The following ZMAT4 variants were observed in gnomAD, a reference collection of about 807,000 sequenced individuals.
ZMAT4 encodes the protein zinc finger matrin-type protein 4.
A neutral mutation model predicts 28.7 loss-of-function variants in ZMAT4; 17 were observed. That is an observed-to-expected ratio of 0.59 (90% CI 0.41 to 0.89). The LOEUF (loss-of-function observed/expected upper bound fraction) is 0.89. ZMAT4 is among the 40% of genes least tolerant of loss of function. ZMAT4 has a pLI of 0.00. For missense variants in ZMAT4, 240 were observed against 283.8 expected, an observed-to-expected ratio of 0.85 and a Z score of 1.11; for synonymous variants, 117 against 109.2, an observed-to-expected ratio of 1.07 and a Z score of -0.44.
chr8:40,693,692 T>A (rs1809754134), intron 4 of ZMAT4, among the ~76,000 whole-genome samples: 2 of 152,210 alleles, frequency 1.3e-5, no homozygotes, highest in Admixed American at 6.5e-5. Flanking sequence ...CATTGCAGCA[T>A]AAAAGCAGCC....
chr8:40,560,280 A>G (rs1345509329), intron 6 of ZMAT4, among the ~76,000 whole-genome samples: 5 of 152,026 alleles, frequency 3.3e-5, no homozygotes, highest in South Asian at 4.2e-4. Context: ...AATTATGTAA[A>G]TAATAACACC....
intron 5 of ZMAT4, among the ~76,000 whole-genome samples, chr8:40,601,454 A>AAGGAAGGAAGGAAGGAAGGG (rs1554525346): frequency 1.1e-5 from 1 of 88,648 alleles, no homozygotes; most frequent in African/African-American, 4.3e-5. Flanking sequence ...GGAAGGAAGG[A>AAGGAAGGAAGGAAGGAAGGG]AGGGAGGAAG....
chr8:40,759,055 G>A (rs932736302), intron 3 of ZMAT4, among the ~76,000 whole-genome samples: 7 of 151,990 alleles, frequency 4.6e-5, no homozygotes, highest in South Asian at 2.1e-4. Flanking sequence ...AGGCTGAGGT[G>A]GGCAGATCAT....
chr8:40,716,065 C>A (rs1481935559), intron 3 of ZMAT4, among the ~76,000 whole-genome samples: 2 of 152,198 alleles, frequency 1.3e-5, no homozygotes, highest in Non-Finnish European at 2.9e-5. Flanking sequence ...CTTTATCACT[C>A]AGCACAGAGG....
chr8:40,563,651 G>T (rs763660714), intron 6 of ZMAT4, among the ~76,000 whole-genome samples: 1 of 152,106 alleles, frequency 6.6e-6, no homozygotes, highest in Non-Finnish European at 1.5e-5. Flanking sequence ...TTTAAAATTT[G>T]AATTACAATG....
chr8:40,842,521 T>C (rs1382804342), intron 1 of ZMAT4, among the ~76,000 whole-genome samples: 1 of 152,188 alleles, frequency 6.6e-6, no homozygotes, highest in African/African-American at 2.4e-5. Flanking sequence ...TCAAAGCCGA[T>C]TGCAGGCTGC....
chr8:40,842,202 A>G (rs898046672), intron 1 of ZMAT4, among the ~76,000 whole-genome samples: 4 of 152,186 alleles, frequency 2.6e-5, no homozygotes. Flanking sequence ...AAGTGCATCA[A>G]CTGTCCCTCT....
chr8:40,768,571 T>C (rs1813257444), intron 2 of ZMAT4, among the ~76,000 whole-genome samples: 1 of 152,178 alleles, frequency 6.6e-6, no homozygotes, highest in South Asian at 2.1e-4. Flanking sequence ...ATTCAGAATC[T>C]GGGTTCCAGC....
At chr8:40,696,952 T>C (rs1027024446) in intron 4 of ZMAT4, 3 of 257,214 alleles carry the variant, frequency 1.2e-5, no homozygotes, top group African/African-American at 4.4e-5. Context: ...TCACATCTTA[T>C]ATAATACACA....
At chr8:40,829,777 G>T (rs1586130566) in intron 1 of ZMAT4, among the ~76,000 whole-genome samples, 1 of 152,164 alleles carries the variant, frequency 6.6e-6, no homozygotes, top group East Asian at 1.9e-4. Flanking sequence ...TTCTACTAGG[G>T]TTGAAAATTT....
At chr8:40,896,617 A>C (rs1284861109) in intron 1 of ZMAT4, among the ~76,000 whole-genome samples, 1 of 152,136 alleles carries the variant, frequency 6.6e-6, no homozygotes, top group African/African-American at 2.4e-5. Flanking sequence ...AAGGCGGAGG[A>C]GGCAGGGGGA....
intron 3 of ZMAT4, among the ~76,000 whole-genome samples, chr8:40,743,832 A>G (rs1479278054): frequency 6.6e-6 from 1 of 151,522 alleles, no homozygotes; most frequent in Non-Finnish European, 1.5e-5. Context: ...AGGGGCACGG[A>G]GAAGGAGCGG....
At chr8:40,607,333 G>A (rs547465016) in intron 5 of ZMAT4, among the ~76,000 whole-genome samples, 137 of 151,902 alleles carry the variant, frequency 9.0e-4, no homozygotes, top group African/African-American at 3.1e-3. Flanking sequence ...GGGTTTCACC[G>A]TGTTAGCCAG....
chr8:40,834,740 G>A (rs753548101), intron 1 of ZMAT4, among the ~76,000 whole-genome samples: 1 of 152,162 alleles, frequency 6.6e-6, no homozygotes, highest in African/African-American at 2.4e-5. Flanking sequence ...GCAGGCCCAC[G>A]TGTCATCCTT....
In ZMAT4 at chr8:40,735,006, AG is replaced by A. The variant is rs1247392828; in HGVS notation, c.192+32634del. Among the ~76,000 whole-genome samples the A allele has an allele frequency of 2.6e-5, 4 of 152,360 alleles. No homozygotes were observed. The East Asian group carries it at 7.7e-4, about 29-fold the overall frequency. On this transcript the variant is annotated intron_variant, in intron 3 of 6. Coordinates refer to ENST00000297737, the MANE Select transcript of ZMAT4 (RefSeq NM_024645.3). ...CTTTGTTGTGGGAACGCCTATGTCT[AG>A]ATGACTAAAATGGCTGGTGTGAGAC...
intron 5 of ZMAT4, among the ~76,000 whole-genome samples, chr8:40,588,023 G>C (rs752279714): frequency 6.6e-6 from 1 of 151,870 alleles, no homozygotes; most frequent in Non-Finnish European, 1.5e-5. Flanking sequence ...ATTTTATAAT[G>C]ATAAAAGAAG....
At chr8:40,595,649 G>A (rs1267863135) in intron 5 of ZMAT4, among the ~76,000 whole-genome samples, 1 of 151,986 alleles carries the variant, frequency 6.6e-6, no homozygotes, top group Non-Finnish European at 1.5e-5. Flanking sequence ...GCACAGAAAA[G>A]GTACAGTAAA....
intron 5 of ZMAT4, among the ~76,000 whole-genome samples, chr8:40,649,450 A>G (rs954577637): frequency 6.6e-6 from 1 of 152,180 alleles, no homozygotes; most frequent in Non-Finnish European, 1.5e-5. Flanking sequence ...CTACAAAGAG[A>G]CTTAGACTCC....
intron 3 of ZMAT4, among the ~76,000 whole-genome samples, chr8:40,716,629 TTG>T: frequency 6.6e-6 from 1 of 151,932 alleles, no homozygotes; most frequent in Non-Finnish European, 1.5e-5. Flanking sequence ...GAGGTGGAGG[TTG>T]TGGTGAACTG....
Sources: gnomAD v4.1 joint callset for allele counts (sites outside exome capture counted in the v4.1 genomes callset) on GRCh38, gnomAD v4.1.1 for gene constraint, MANE v1.5 for transcripts, NCBI Gene and HGNC (gene_info 2026-07-23, HGNC 2026-07-21) for gene names.